Variants in UST observed in about 807,000 individuals in gnomAD.
UST encodes the protein uronyl 2-sulfotransferase, also known as chondroitin sulfate 2-O-sulfotransferase.
In UST, 21 loss-of-function variants were observed where a neutral mutation model predicts 45.6. The ratio of observed to expected loss-of-function variants is 0.46; its 90% CI spans 0.33 to 0.66. The LOEUF (loss-of-function observed/expected upper bound fraction) is 0.66. UST is among the 30% of genes least tolerant of loss of function. The pLI is 0.02. For missense variants in UST, 463 were observed against 512.4 expected, an observed-to-expected ratio of 0.90 and a Z score of 0.93; for synonymous variants, 215 against 200.6, an observed-to-expected ratio of 1.07 and a Z score of -0.61.
chr6:148,979,259 C>T lies in UST; in HGVS notation c.681+14696C>T, dbSNP rs1182892261. Among the ~76,000 whole-genome samples, 6 of 152,230 alleles carry T rather than the reference C, an allele frequency of 3.9e-5. No homozygotes were observed. The South Asian group carries it at 6.2e-4, about 16-fold the overall frequency. On this transcript the variant is annotated intron_variant, in intron 5 of 7. Transcript: ENST00000367463. ...TCCCTGGCAGTCAGTTCCTCAGTGACCACATTTAACAAATTGTAATAAATG... is the reference window on the plus strand; with the variant it reads ...TCCCTGGCAGTCAGTTCCTCAGTGATCACATTTAACAAATTGTAATAAATG...
In UST at chr6:148,955,122, G is replaced by T. The variant is rs573871369; in HGVS notation, c.527+1171G>T. 2.8e-4 allele frequency among the ~76,000 whole-genome samples: 43 copies of T among 152,318 alleles called. No homozygotes were observed. In the East Asian group the frequency reaches 7.1e-3, roughly 25 times the overall value. The stretch of plus-strand genomic sequence containing the variant: ...GGGCACTTCTGTCATCTTAACATGG[G>T]GTTGACAGTTCCTTGCAGGTCCACA... On this transcript the variant is annotated intron_variant, in intron 4 of 7. Coordinates refer to ENST00000367463, the MANE Select transcript of UST (RefSeq NM_005715.3).
Position 148,748,453 on chromosome 6 carries a change from G to GTGTGTGTGTGTGTGTGTGT in UST, c.247+776_247+777insTGTGTGTGTGTGTGTGTGT. On this transcript the variant is annotated intron_variant, in intron 1 of 7. Transcript: ENST00000367463. This position sits in a 1 kb window ranked among gnomAD's most constrained non-coding sequence, Gnocchi z 5.3. The stretch of plus-strand genomic sequence containing the variant: ...TGTGTGTGTGTGTGTGTGTGTGTGT[G>GTGTGTGTGTGTGTGTGTGT]GTTTATTAGGAGAGAGGCCGCCTGT... Among the ~76,000 whole-genome samples the GTGTGTGTGTGTGTGTGTGT allele has an allele frequency of 7.1e-6, 1 of 140,562 alleles. No individual in the cohort carries two copies. The highest frequency in any genetic ancestry group is 1.5e-5 in the Non-Finnish European group (1 of 65,098). The allele number at this position is 140,562 out of a possible 152,430, so 92.2% of individuals were successfully genotyped here.
chr6:149,060,568 C>T (rs1724342170), intron 7 of UST, among the ~76,000 whole-genome samples: 1 of 152,214 alleles, frequency 6.6e-6, no homozygotes, highest in African/African-American at 2.4e-5. Flanking sequence ...CATGTTCACA[C>T]AGTTTTGGGA....
In UST at chr6:148,798,117, G is replaced by A. The variant is rs972431910; in HGVS notation, c.247+50440G>A. 4.6e-5 allele frequency among the ~76,000 whole-genome samples: 7 copies of A among 152,240 alleles called. No homozygotes were observed. The East Asian group carries it at 1.4e-3, about 29-fold the overall frequency. The stretch of plus-strand genomic sequence containing the variant: ...TGGGGGCAGATATACAAGTAATCCA[G>A]CCCAGAGAAGAAAAGAGCCTGCACC... On this transcript the variant is annotated intron_variant, in intron 1 of 7. Coordinates refer to ENST00000367463, the MANE Select transcript of UST (RefSeq NM_005715.3).
At chr6:148,977,238 A>G (rs184836282) in intron 5 of UST, among the ~76,000 whole-genome samples, 3 of 151,812 alleles carry the variant, frequency 2.0e-5, no homozygotes, top group Admixed American at 6.6e-5. Context: ...ACACTATTCT[A>G]TATATTTATA....
intron 7 of UST, among the ~76,000 whole-genome samples, chr6:149,043,046 CTTCT>C: frequency 1.3e-5 from 1 of 79,808 alleles, no homozygotes; most frequent in African/African-American, 5.7e-5. Context: ...TCTTTCTTTC[CTTCT>C]TTCCTTCTTT....
intron 5 of UST, among the ~76,000 whole-genome samples, chr6:149,007,375 C>T (rs1775733325): frequency 6.6e-6 from 1 of 150,664 alleles, no homozygotes; most frequent in Non-Finnish European, 1.5e-5. Flanking sequence ...GCAAGCTCTG[C>T]CTTCTGGGTT....
At chr6:148,783,590 G>A (rs967547251) in intron 1 of UST, among the ~76,000 whole-genome samples, 2 of 152,130 alleles carry the variant, frequency 1.3e-5, no homozygotes, top group African/African-American at 4.8e-5. Flanking sequence ...GCTACCAAAT[G>A]TCCTTGATAT....
At chr6:148,848,932 T>C (rs370092752) in intron 1 of UST, among the ~76,000 whole-genome samples, 181 of 152,170 alleles carry the variant, frequency 1.2e-3, no homozygotes, top group African/African-American at 4.1e-3. Context: ...GGTTTGAGGC[T>C]AAAGACCCTA....
chr6:148,932,361 C>T (rs910297794), intron 2 of UST, among the ~76,000 whole-genome samples: 10 of 152,090 alleles, frequency 6.6e-5, no homozygotes, highest in African/African-American at 1.7e-4. Flanking sequence ...GCCTGGGCAA[C>T]AGAGCAAGAC....
chr6:149,023,149 TGGTGTGGTGTG>T (rs1562332190), intron 7 of UST, among the ~76,000 whole-genome samples: 1 of 135,648 alleles, frequency 7.4e-6, no homozygotes, highest in Non-Finnish European at 1.6e-5. Context: ...TGTGTGTGTG[TGGTGTGGTGTG>T]GTGTGTGGTG....
At chr6:148,796,341 ATTCAAATTGTAGG>A (rs1776947550) in intron 1 of UST, among the ~76,000 whole-genome samples, 1 of 152,236 alleles carries the variant, frequency 6.6e-6, no homozygotes, top group African/African-American at 2.4e-5. Flanking sequence ...AAGTTTTATA[ATTCAAATTGTAGG>A]TTCAGAGCTG....
intron 2 of UST, among the ~76,000 whole-genome samples, chr6:148,891,973 G>A (rs1050153020): frequency 6.6e-6 from 1 of 152,184 alleles, no homozygotes; most frequent in Non-Finnish European, 1.5e-5. Context: ...AAAGGTGAAA[G>A]AATACCATCC....
intron 7 of UST, among the ~76,000 whole-genome samples, chr6:149,043,730 C>T (rs910123177): frequency 7.9e-5 from 12 of 152,282 alleles, no homozygotes; most frequent in South Asian, 2.1e-4. Context: ...GGCGCTGGCA[C>T]TCCAAATGGT....
intron 3 of UST, among the ~76,000 whole-genome samples, chr6:148,942,954 G>A (rs2449392): frequency 0.21 from 31,252 of 151,980 alleles, 3,466 homozygotes; most frequent in East Asian, 0.31. Flanking sequence ...CCATATTAGG[G>A]TCTCCAAAGA....
chr6:148,848,468 C>T (rs1422206939), intron 1 of UST, among the ~76,000 whole-genome samples: 2 of 152,088 alleles, frequency 1.3e-5, no homozygotes, highest in African/African-American at 4.8e-5. Context: ...GTCGAGAGAT[C>T]GAGTCCATCC....
chr6:148,949,893 A>T (rs1780330694), intron 3 of UST, among the ~76,000 whole-genome samples: 1 of 152,324 alleles, frequency 6.6e-6, no homozygotes, highest in South Asian at 2.1e-4. Context: ...ATGGAAGGTC[A>T]TGTTCAAAAC....
intron 5 of UST, among the ~76,000 whole-genome samples, chr6:149,006,927 T>C (rs1245666788): frequency 6.6e-6 from 1 of 152,178 alleles, no homozygotes; most frequent in Non-Finnish European, 1.5e-5. Flanking sequence ...TTATGCTCAT[T>C]TATTATCTTC....
intron 3 of UST, among the ~76,000 whole-genome samples, chr6:148,949,292 AAATAATAATAAT>A (rs56946786): frequency 0.36 from 50,779 of 141,224 alleles, 9,579 homozygotes; most frequent in South Asian, 0.46. Context: ...CTTCGTCTCA[AAATAATAATAAT>A]AATAATAATA....
Sources: gnomAD v4.1 joint callset for allele counts (sites outside exome capture counted in the v4.1 genomes callset) on GRCh38, gnomAD v4.1.1 for gene constraint, Gnocchi (gnomAD v3.1) non-coding constraint, MANE v1.5 for transcripts, NCBI Gene and HGNC (gene_info 2026-07-23, HGNC 2026-07-21) for gene names.